The following ZNF385B variants were observed in gnomAD, a reference collection of about 807,000 sequenced individuals.
ZNF385B encodes the protein zinc finger protein 385B.
A neutral mutation model predicts 39.2 loss-of-function variants in ZNF385B; 23 were observed. That is an observed-to-expected ratio of 0.59 (90% CI 0.42 to 0.83). The LOEUF is 0.83. ZNF385B is among the 40% of genes least tolerant of loss of function. The probability of loss-of-function intolerance (pLI) is 0.00; values close to 1 mark genes in which losing one functional copy is unlikely to be tolerated. For missense variants in ZNF385B, 552 were observed against 598.9 expected, an observed-to-expected ratio of 0.92 and a Z score of 0.82; for synonymous variants, 205 against 222.6, an observed-to-expected ratio of 0.92 and a Z score of 0.70.
chr2:179,737,851 T>C (rs916185708), intron 3 of ZNF385B, among the ~76,000 whole-genome samples: 3 of 152,196 alleles, frequency 2.0e-5, no homozygotes, highest in African/African-American at 7.2e-5. Context: ...CACAGCTAAA[T>C]TGTGGTGGAG....
chr2:179,523,820 A>T (rs1206555567), intron 4 of ZNF385B, among the ~76,000 whole-genome samples: 1 of 152,062 alleles, frequency 6.6e-6, no homozygotes, highest in African/African-American at 2.4e-5. Context: ...ATTCTCAGAG[A>T]CTTATTGTGT....
At position 179,736,762 on chromosome 2, in the gene ZNF385B, G is replaced by C. The variant is rs571513345; in HGVS notation, c.298+32741C>G. Among the ~76,000 whole-genome samples the C allele has an allele frequency of 1.7e-4, 26 of 152,202 alleles. No individual in the cohort carries two copies. The South Asian group carries it at 4.4e-3, about 26-fold the overall frequency. On this transcript the variant is annotated intron_variant, in intron 3 of 9. Coordinates refer to ENST00000410066, the MANE Select transcript of ZNF385B (RefSeq NM_152520.6). ...AGGTGGGTGGATTGCCTGAGCTCAG[G>C]AGTTCGAGACCAGCCTGGGCAACAT... is the stretch of plus-strand genomic sequence containing the variant.
rs550105006 is a variant in ZNF385B, at chr2:179,800,086, G to A, written c.-154-29414C>T. Among the ~76,000 whole-genome samples the A allele has an allele frequency of 5.5e-4, 84 of 152,048 alleles. 1 individual carries two copies. The South Asian group carries it at 0.017, about 30-fold the overall frequency. On this transcript the variant is annotated intron_variant, in intron 1 of 9. Coordinates refer to ENST00000410066, the MANE Select transcript of ZNF385B (RefSeq NM_152520.6). ...TCAAGTGACTTTTAATTCCATCTCT[G>A]ATTATTCAATATAGAAAATACATCT...
intron 1 of ZNF385B, among the ~76,000 whole-genome samples, chr2:179,841,266 A>C (rs1315763693): frequency 1.3e-5 from 2 of 152,240 alleles, no homozygotes; most frequent in Non-Finnish European, 2.9e-5. Flanking sequence ...TTCAGACTAG[A>C]TAAAAGGAAG....
chr2:179,685,158 G>C (rs1274001741), intron 3 of ZNF385B, among the ~76,000 whole-genome samples: 1 of 152,160 alleles, frequency 6.6e-6, no homozygotes, highest in African/African-American at 2.4e-5. Context: ...TTCTGGCCTT[G>C]CTTAATGAAA....
chr2:179,635,335 G>A (rs1446600070), intron 3 of ZNF385B, among the ~76,000 whole-genome samples: 1 of 134,944 alleles, frequency 7.4e-6, no homozygotes, highest in Non-Finnish European at 1.5e-5. Flanking sequence ...ATTGAACAAT[G>A]AGATCACTTG....
chr2:179,696,326 CTTTTTT>C (rs71029828), intron 3 of ZNF385B, among the ~76,000 whole-genome samples: 7 of 40,360 alleles, frequency 1.7e-4, no homozygotes, highest in East Asian at 7.9e-4. Flanking sequence ...CAAACTGGGA[CTTTTTT>C]TTTTTTTTTT....
chr2:179,459,722 A>G (rs1011805841), intron 6 of ZNF385B, among the ~76,000 whole-genome samples: 1 of 151,092 alleles, frequency 6.6e-6, no homozygotes, highest in Non-Finnish European at 1.5e-5. Flanking sequence ...ATAATAATAA[A>G]TGCATAAACT....
At chr2:179,444,839 G>A (rs2049305662) in intron 9 of ZNF385B, 37 bp downstream of exon 9, 2 of 1,568,196 alleles carry the variant, frequency 1.3e-6, no homozygotes, top group Non-Finnish European at 1.8e-6. Flanking sequence ...CAGCAAGGCT[G>A]CCCCACAAAA....
At chr2:179,689,465 G>A (rs967884852) in intron 3 of ZNF385B, among the ~76,000 whole-genome samples, 3 of 151,900 alleles carry the variant, frequency 2.0e-5, no homozygotes, top group Non-Finnish European at 2.9e-5. Flanking sequence ...AATGGCCCTC[G>A]TGCAGAGCAG....
chr2:179,582,784 C>A (rs1558941678), intron 3 of ZNF385B, among the ~76,000 whole-genome samples: 3 of 152,180 alleles, frequency 2.0e-5, no homozygotes, highest in Admixed American at 6.5e-5. Flanking sequence ...CTCCTTACCT[C>A]ATTTCTGCTA....
chr2:179,689,564 G>C (rs1303614755), intron 3 of ZNF385B, among the ~76,000 whole-genome samples: 1 of 152,078 alleles, frequency 6.6e-6, no homozygotes, highest in Non-Finnish European at 1.5e-5. Flanking sequence ...AGGAAGGTAA[G>C]CTTATTGGTC....
At chr2:179,724,231 C>T (rs1262571578) in intron 3 of ZNF385B, among the ~76,000 whole-genome samples, 2 of 152,086 alleles carry the variant, frequency 1.3e-5, no homozygotes, top group Non-Finnish European at 2.9e-5. Flanking sequence ...ATCTCTTGAA[C>T]CTGGGAGGTG....
intron 4 of ZNF385B, among the ~76,000 whole-genome samples, chr2:179,535,021 G>C (rs2059474182): frequency 6.6e-6 from 1 of 152,138 alleles, no homozygotes; most frequent in Non-Finnish European, 1.5e-5. Context: ...GATATTTATG[G>C]ATTTGATCAT....
chr2:179,680,454 G>A (rs778715583), intron 3 of ZNF385B, among the ~76,000 whole-genome samples: 1 of 152,082 alleles, frequency 6.6e-6, no homozygotes, highest in Non-Finnish European at 1.5e-5. Flanking sequence ...TAGAAGTCAG[G>A]ATAGTAGTTA....
intron 3 of ZNF385B, among the ~76,000 whole-genome samples, chr2:179,610,920 T>A (rs1689237178): frequency 6.6e-6 from 1 of 152,188 alleles, no homozygotes; most frequent in African/African-American, 2.4e-5. Flanking sequence ...AATTTGTTTA[T>A]CAGTTGTACT....
chr2:179,671,624 G>A (rs1048734841), intron 3 of ZNF385B, among the ~76,000 whole-genome samples: 18 of 152,180 alleles, frequency 1.2e-4, no homozygotes, highest in African/African-American at 4.3e-4. Flanking sequence ...CACAGTAGAA[G>A]GGAGGTAGGT....
At chr2:179,629,601 A>G (rs1346548496) in intron 3 of ZNF385B, among the ~76,000 whole-genome samples, 1 of 152,170 alleles carries the variant, frequency 6.6e-6, no homozygotes, top group African/African-American at 2.4e-5. Context: ...AGCGTGATCA[A>G]TGCAGAAGAC....
intron 3 of ZNF385B, among the ~76,000 whole-genome samples, chr2:179,627,846 GGTAGA>G (rs1225617277): frequency 6.6e-6 from 1 of 151,978 alleles, no homozygotes; most frequent in Non-Finnish European, 1.5e-5. Context: ...AGAAAGTGTA[GGTAGA>G]GTATATTTCA....
Sources: allele counts gnomAD v4.1 joint callset (sites outside exome capture counted in the v4.1 genomes callset), GRCh38; gene constraint gnomAD v4.1.1; transcripts MANE v1.5; gene names NCBI Gene and HGNC (gene_info 2026-07-23, HGNC 2026-07-21).